The following SORBS2 variants were observed in gnomAD, a reference collection of about 807,000 sequenced individuals.
SORBS2 encodes the protein sorbin and SH3 domain-containing protein 2.
A neutral mutation model predicts 97.7 loss-of-function variants in SORBS2; 46 were observed. That is an observed-to-expected ratio of 0.47 (90% CI 0.37 to 0.60). SORBS2 has a LOEUF of 0.60. Among genes scored for constraint, SORBS2 ranks in the 20% least tolerant of loss-of-function variants. SORBS2 has a pLI of 0.00. For missense variants in SORBS2, 1,316 were observed against 1,282.3 expected, an observed-to-expected ratio of 1.03 and a Z score of -0.40; for synonymous variants, 476 against 473.4, an observed-to-expected ratio of 1.01 and a Z score of -0.07.
intron 2 of SORBS2, among the ~76,000 whole-genome samples, chr4:185,697,145 C>A (rs931498450): frequency 6.6e-5 from 10 of 152,272 alleles, no homozygotes; most frequent in Non-Finnish European, 1.5e-4. Context: ...ATCATCGACT[C>A]CCCCGCTAGA....
chr4:185,949,769 A>C (rs1355190337), intron 1 of SORBS2, among the ~76,000 whole-genome samples: 1 of 152,160 alleles, frequency 6.6e-6, no homozygotes, highest in Non-Finnish European at 1.5e-5. Flanking sequence ...AATTCAAAGA[A>C]AATGCTGAAT....
In SORBS2 at chr4:185,606,058, T is replaced by C. The variant is rs905589080; in HGVS notation, c.2796+5722A>G. The C allele has an allele frequency of 9.2e-6, 9 of 982,492 alleles. No homozygotes were observed. The African/African-American group carries it at 1.6e-4, about 17-fold the overall frequency. The allele number at this position is 982,492 out of a possible 1,614,324, so 60.9% of individuals were successfully genotyped here. A position where few individuals can be genotyped will look rare whatever the true frequency, so the allele number is the denominator to read the frequency against. On this transcript the variant is annotated intron_variant, in intron 12 of 14. Coordinates refer to ENST00000418609, the Ensembl canonical transcript of SORBS2. The surrounding 1 kb of genome is among the most constrained non-coding windows in gnomAD (Gnocchi z 4.3). The stretch of plus-strand genomic sequence containing the variant: ...CGAAAGGGGACAGAAGTGCTGTTTT[T>C]CTTTTCTGTTGTCTTTGTTTATTAT...
intron 4 of SORBS2, 136 bp from the exon 15 acceptor site, chr4:185,638,298 G>A (rs1029272370): frequency 6.9e-5 from 46 of 663,048 alleles, no homozygotes; most frequent in Admixed American, 5.2e-4. Context: ...ACCTCAGCAG[G>A]AGAGAACGGA....
chr4:185,643,664 G>A (rs1046215341), intron 4 of SORBS2, among the ~76,000 whole-genome samples: 1 of 152,148 alleles, frequency 6.6e-6, no homozygotes, highest in Non-Finnish European at 1.5e-5. Context: ...CACTGCAGGA[G>A]AGGGGAAAAC....
upstream of SORBS2, chr4:185,657,632 T>C: frequency 6.4e-7 from 1 of 1,564,992 alleles, no homozygotes; most frequent in Admixed American, 1.9e-5. Flanking sequence ...AACGTATTCG[T>C]TGCACAGGGA....
chr4:185,777,537 C>T (rs766626021), intron 1 of SORBS2, among the ~76,000 whole-genome samples: 8 of 152,262 alleles, frequency 5.3e-5, no homozygotes, highest in Middle Eastern at 3.4e-3. Flanking sequence ...AACCCACTCT[C>T]GTATAAAACA....
chr4:185,870,503 T>C (rs576041871), intron 1 of SORBS2, among the ~76,000 whole-genome samples: 14 of 152,350 alleles, frequency 9.2e-5, no homozygotes, highest in South Asian at 6.2e-4. Context: ...CTGTTTGAAC[T>C]TTGATGACAA....
At chr4:185,928,384 G>T (rs1013644407) in intron 1 of SORBS2, among the ~76,000 whole-genome samples, 6 of 152,008 alleles carry the variant, frequency 3.9e-5, no homozygotes, top group African/African-American at 1.5e-4. Context: ...AGCCTGAGTG[G>T]CAGAGCAAGA....
intron 2 of SORBS2, among the ~76,000 whole-genome samples, chr4:185,695,925 G>C (rs1481346396): frequency 2.6e-5 from 4 of 152,182 alleles, no homozygotes; most frequent in Admixed American, 2.6e-4. Flanking sequence ...TGGCACACAA[G>C]TCAACAGTAG....
At chr4:185,822,908 G>A (rs1179759905) in intron 1 of SORBS2, among the ~76,000 whole-genome samples, 2 of 152,180 alleles carry the variant, frequency 1.3e-5, no homozygotes, top group African/African-American at 2.4e-5. Flanking sequence ...ATAAAAACTC[G>A]AGACCCCAAT....
intron 1 of SORBS2, among the ~76,000 whole-genome samples, chr4:185,901,449 C>T (rs2099247725): frequency 6.6e-6 from 1 of 152,128 alleles, no homozygotes; most frequent in African/African-American, 2.4e-5. Context: ...GGTGATGCGC[C>T]CGCCTCGGCC....
In SORBS2 at chr4:185,606,243, G is replaced by GT; in HGVS notation, c.2796+5536dup. On this transcript the variant is annotated intron_variant, in intron 12 of 14. Transcript: ENST00000418609. The surrounding 1 kb of genome is among the most constrained non-coding windows in gnomAD (Gnocchi z 4.3). Reference sequence around the variant, plus strand: ...GGGTTTTGACGATTAAAGATGTGGAGTTTTTAGAATAGTGTCTGATACTCA... The same window carrying GT: ...GGGTTTTGACGATTAAAGATGTGGAGTTTTTTAGAATAGTGTCTGATACTCA... The GT allele has an allele frequency of 3.0e-6, 3 of 985,294 alleles. No individual in the cohort carries two copies. Among genetic ancestry groups the GT allele is most frequent in the Non-Finnish European group, 3.6e-6 (3 of 829,860 alleles). 61.0% of individuals were successfully genotyped at this position (985,294 alleles called of 1,614,324 possible).
chr4:185,901,005 A>C (rs980096964), intron 1 of SORBS2, among the ~76,000 whole-genome samples: 3 of 152,262 alleles, frequency 2.0e-5, no homozygotes, highest in African/African-American at 7.2e-5. Flanking sequence ...TCTCAATTGC[A>C]TGAAACAAGG....
At chr4:185,634,668 A>C (rs1477169968) in intron 4 of SORBS2, among the ~76,000 whole-genome samples, 1 of 152,184 alleles carries the variant, frequency 6.6e-6, no homozygotes, top group East Asian at 1.9e-4. Flanking sequence ...ATAAAAATAT[A>C]CATTGGCTGC....
At chr4:185,760,752 C>T (rs540646451) in intron 2 of SORBS2, among the ~76,000 whole-genome samples, 1 of 152,202 alleles carries the variant, frequency 6.6e-6, no homozygotes, top group Non-Finnish European at 1.5e-5. Context: ...TAAAAGTGTG[C>T]AGTGCATTAA....
At chr4:185,760,373 T>C (rs756373807) in intron 2 of SORBS2, among the ~76,000 whole-genome samples, 82 of 152,096 alleles carry the variant, frequency 5.4e-4, no homozygotes, top group Non-Finnish European at 3.1e-4. Context: ...ACCAGCCTGG[T>C]CAACATGGTG....
intron 1 of SORBS2, among the ~76,000 whole-genome samples, chr4:185,899,539 C>G (rs552089099): frequency 6.6e-6 from 1 of 152,128 alleles, no homozygotes; most frequent in East Asian, 1.9e-4. Context: ...GATCCTCCCC[C>G]CTCAGCCTCC....
chr4:185,785,931 A>T (rs1411027692), intron 1 of SORBS2, among the ~76,000 whole-genome samples: 1 of 152,218 alleles, frequency 6.6e-6, no homozygotes, highest in Non-Finnish European at 1.5e-5. Flanking sequence ...GGGGTGAAGA[A>T]TATAATGCTG....
intron 4 of SORBS2, among the ~76,000 whole-genome samples, chr4:185,631,786 CA>C (rs113810595): frequency 0.35 from 52,753 of 151,290 alleles, 9,497 homozygotes; most frequent in South Asian, 0.52. Flanking sequence ...CAAAAAACAA[CA>C]AAAAAACAAA....
Sources: allele counts gnomAD v4.1 joint callset (sites outside exome capture counted in the v4.1 genomes callset), GRCh38; gene constraint gnomAD v4.1.1; non-coding constraint Gnocchi (gnomAD v3.1); transcripts MANE v1.5; gene names NCBI Gene and HGNC (gene_info 2026-07-23, HGNC 2026-07-21).